EVA1C: variants seen among roughly 807,000 people sequenced by gnomAD.
The protein encoded by EVA1C is protein eva-1 homolog C.
Under a neutral mutation model 45.4 loss-of-function variants are expected in EVA1C, and 25 were observed. The ratio of observed to expected loss-of-function variants is 0.55; its 90% CI spans 0.40 to 0.77. The LOEUF (loss-of-function observed/expected upper bound fraction) is 0.77. EVA1C is among the 30% of genes least tolerant of loss of function. EVA1C has a pLI of 0.00. For synonymous variants in EVA1C, 190 were observed against 221.2 expected (o/e 0.86, Z 1.25); for missense variants, 479 against 554.8 (o/e 0.86, Z 1.37).
intron 3 of EVA1C, among the ~76,000 whole-genome samples, chr21:32,465,573 A>G (rs1203137208): frequency 6.6e-6 from 1 of 152,228 alleles, no homozygotes; most frequent in African/African-American, 2.4e-5. Flanking sequence ...TAAGAACCAC[A>G]TATGCAAATA....
At chr21:32,491,427 G>C (rs1176247000) in intron 4 of EVA1C, among the ~76,000 whole-genome samples, 1 of 152,012 alleles carries the variant, frequency 6.6e-6, no homozygotes, top group Non-Finnish European at 1.5e-5. Context: ...GGTGGCTCAC[G>C]CCTGTAATCC....
chr21:32,425,272 T>C (rs1601215667), intron 1 of EVA1C, among the ~76,000 whole-genome samples: 1 of 141,674 alleles, frequency 7.1e-6, no homozygotes, highest in East Asian at 2.1e-4. Flanking sequence ...GAGGCGGAGG[T>C]TATAGTGAGC....
intron 1 of EVA1C, among the ~76,000 whole-genome samples, chr21:32,439,694 A>G (rs1355239930): frequency 6.6e-6 from 1 of 152,014 alleles, no homozygotes; most frequent in Non-Finnish European, 1.5e-5. Flanking sequence ...CAAGTTTTAG[A>G]AACTTCCAGG....
chr21:32,453,152 G>A (rs546048304), intron 1 of EVA1C, 160 bp from the exon 2 acceptor site: 51 of 535,608 alleles, frequency 9.5e-5, no homozygotes, highest in African/African-American at 8.8e-4. Flanking sequence ...CTCTGGGCCT[G>A]GTTTGGTGAC....
intron 4 of EVA1C, among the ~76,000 whole-genome samples, chr21:32,481,889 A>G (rs890300931): frequency 1.3e-5 from 2 of 152,166 alleles, no homozygotes; most frequent in Non-Finnish European, 2.9e-5. Context: ...TTTAGTTCAT[A>G]CCACGCTGTA....
intron 4 of EVA1C, among the ~76,000 whole-genome samples, chr21:32,476,071 C>G (rs2036551143): frequency 6.6e-6 from 1 of 151,950 alleles, no homozygotes; most frequent in Non-Finnish European, 1.5e-5. Flanking sequence ...TGTGAATGAC[C>G]TTGGCCATTT....
chr21:32,444,472 A>G (rs1468182688), intron 1 of EVA1C, among the ~76,000 whole-genome samples: 1 of 152,202 alleles, frequency 6.6e-6, no homozygotes, highest in Non-Finnish European at 1.5e-5. Flanking sequence ...AAAGGCTATT[A>G]CAAAGGATAC....
At chr21:32,509,537 C>A (rs886280382) in intron 7 of EVA1C, among the ~76,000 whole-genome samples, 5 of 152,188 alleles carry the variant, frequency 3.3e-5, no homozygotes, top group Admixed American at 2.0e-4. Flanking sequence ...ATCCACAATT[C>A]CCTCCTTTTA....
intron 5 of EVA1C, among the ~76,000 whole-genome samples, chr21:32,496,187 C>G (rs1349177356): frequency 6.6e-6 from 1 of 152,218 alleles, no homozygotes; most frequent in Non-Finnish European, 1.5e-5. Flanking sequence ...CAGGCAACCA[C>G]CCATCTACTT....
upstream of EVA1C, among the ~76,000 whole-genome samples, chr21:32,411,747 C>T (rs1052336977): frequency 2.0e-5 from 3 of 152,228 alleles, no homozygotes; most frequent in African/African-American, 4.8e-5. Flanking sequence ...AGCGCCCGCC[C>T]TCCTCCCTTC....
intron 4 of EVA1C, 29 bp from the exon 5 acceptor site, chr21:32,494,998 T>C (rs2037296136): frequency 2.5e-6 from 4 of 1,611,052 alleles, no homozygotes; most frequent in Non-Finnish European, 2.5e-6. Context: ...GGATGCAACC[T>C]GAAGTTCTGG....
intron 6 of EVA1C, 76 bp downstream of exon 6, chr21:32,501,571 C>A: frequency 6.4e-7 from 1 of 1,561,346 alleles, no homozygotes; most frequent in Non-Finnish European, 8.6e-7. Flanking sequence ...CAGTTGGGCA[C>A]ACCTTGGTTA....
At chr21:32,413,753 A>G (rs897670946) in intron 1 of EVA1C, among the ~76,000 whole-genome samples, 1 of 152,236 alleles carries the variant, frequency 6.6e-6, no homozygotes, top group Admixed American at 6.5e-5. Context: ...GACGATAGCC[A>G]TAGGAGCACA....
At chr21:32,500,987 A>G (rs996361105) in intron 5 of EVA1C, among the ~76,000 whole-genome samples, 1 of 151,826 alleles carries the variant, frequency 6.6e-6, no homozygotes, top group Admixed American at 6.6e-5. Flanking sequence ...CTAACTTTGT[A>G]TTTTCAGTAC....
rs2038102478 is a variant in EVA1C at position 32,515,289 on chromosome 21, T to C, written c.*99T>C. The C allele has an allele frequency of 3.8e-6, 5 of 1,332,040 alleles. No homozygotes were observed. The highest frequency in any genetic ancestry group is 5.1e-6 in the Non-Finnish European group (5 of 977,274). 82.5% of individuals were successfully genotyped at this position (1,332,040 alleles called of 1,614,324 possible). ...CACCTGTACCTTCTATGAAGGAGAA[T>C]TCGTCATGTCATTCAACACTCGTGA... is the stretch of plus-strand genomic sequence containing the variant. On this transcript the variant is annotated 3_prime_UTR_variant, in exon 8 of 8. Transcript: ENST00000300255.
chr21:32,490,041 C>G (rs1201095062), intron 4 of EVA1C, among the ~76,000 whole-genome samples: 1 of 152,040 alleles, frequency 6.6e-6, no homozygotes, highest in Non-Finnish European at 1.5e-5. Flanking sequence ...TGACCTCAGG[C>G]GATTCACCTG....
chr21:32,449,966 G>A (rs2035518587), intron 1 of EVA1C, among the ~76,000 whole-genome samples: 2 of 152,150 alleles, frequency 1.3e-5, no homozygotes, highest in South Asian at 2.1e-4. Context: ...GTGTAGGGCA[G>A]GTTGTACTGC....
intron 1 of EVA1C, among the ~76,000 whole-genome samples, chr21:32,448,156 C>G (rs1490380363): frequency 2.0e-5 from 3 of 152,208 alleles, no homozygotes; most frequent in Middle Eastern, 3.4e-3. Context: ...CACTGTGGAC[C>G]AAACAGAATG....
chr21:32,468,003 A>C (rs2036240653), intron 4 of EVA1C, 155 bp downstream of exon 4: 2 of 374,270 alleles, frequency 5.3e-6, no homozygotes, highest in African/African-American at 2.6e-5. Flanking sequence ...ATACTTAATA[A>C]ACTCCCGTGT....
Sources: gnomAD v4.1 joint callset for allele counts (sites outside exome capture counted in the v4.1 genomes callset) on GRCh38, gnomAD v4.1.1 for gene constraint, MANE v1.5 for transcripts, NCBI Gene and HGNC (gene_info 2026-07-23, HGNC 2026-07-21) for gene names.